The following TMEM135 variants were observed in gnomAD, a reference collection of about 807,000 sequenced individuals.
TMEM135 encodes peroxisomal membrane protein 52.
Under a neutral mutation model 60.3 loss-of-function variants are expected in TMEM135, and 30 were observed. The observed-to-expected ratio is 0.50, with a 90% CI of 0.37 to 0.68. The LOEUF (loss-of-function observed/expected upper bound fraction) is 0.68, where lower values mean the gene tolerates loss of function less well. Among genes scored for constraint, TMEM135 ranks in the 30% least tolerant of loss-of-function variants. The pLI, the probability that TMEM135 is intolerant of heterozygous loss-of-function variation, is 0.00. For synonymous variants in TMEM135, 190 were observed against 186.7 expected (o/e 1.02, Z -0.14); for missense variants, 468 against 548.8 (o/e 0.85, Z 1.47).
intron 3 of TMEM135, among the ~76,000 whole-genome samples, chr11:87,079,794 C>T (rs1478977405): frequency 6.6e-6 from 1 of 150,642 alleles, no homozygotes; most frequent in African/African-American, 2.4e-5. Context: ...GGCTTTTCTG[C>T]ATCTATTGAT....
chr11:87,054,373 G>GCA (rs1949871844), intron 1 of TMEM135, among the ~76,000 whole-genome samples: 1 of 152,172 alleles, frequency 6.6e-6, no homozygotes, highest in Non-Finnish European at 1.5e-5. Context: ...GGCAGAGGTT[G>GCA]CGATGAGCCT....
intron 4 of TMEM135, among the ~76,000 whole-genome samples, chr11:87,116,917 G>T (rs936455538): frequency 6.6e-6 from 1 of 151,750 alleles, no homozygotes; most frequent in Admixed American, 6.6e-5. Flanking sequence ...CCGCCTTTTG[G>T]GTTCAAATGA....
At chr11:87,126,689 T>C (rs1224568369) in intron 4 of TMEM135, among the ~76,000 whole-genome samples, 1 of 152,112 alleles carries the variant, frequency 6.6e-6, no homozygotes, top group Non-Finnish European at 1.5e-5. Context: ...ATGGTTTTCA[T>C]TTTTTGTGTT....
chr11:87,150,240 A>G (rs1454643630), intron 4 of TMEM135, among the ~76,000 whole-genome samples: 4 of 151,730 alleles, frequency 2.6e-5, no homozygotes, highest in Non-Finnish European at 5.9e-5. Flanking sequence ...AAAAAAGAAA[A>G]AAAGTGAAAT....
intron 4 of TMEM135, among the ~76,000 whole-genome samples, chr11:87,118,679 T>TGATCCGCCCATCGTGACCTCCC (rs1857958713): frequency 6.6e-6 from 1 of 152,136 alleles, no homozygotes; most frequent in Non-Finnish European, 1.5e-5. Context: ...CCTGACCTCA[T>TGATCCGCCCATCGTGACCTCCC]GATCCGCCCA....
At chr11:87,134,423 G>A (rs1938031326) in intron 4 of TMEM135, among the ~76,000 whole-genome samples, 1 of 152,162 alleles carries the variant, frequency 6.6e-6, no homozygotes, top group Non-Finnish European at 1.5e-5. Context: ...GGGTTGGGGT[G>A]CACAATAAAG....
intron 5 of TMEM135, among the ~76,000 whole-genome samples, chr11:87,231,104 A>G (rs1338411259): frequency 6.6e-6 from 1 of 152,150 alleles, no homozygotes; most frequent in Non-Finnish European, 1.5e-5. Flanking sequence ...GAGAATTTCC[A>G]GGCATGGATC....
chr11:87,133,529 A>T (rs2135235212), intron 4 of TMEM135, among the ~76,000 whole-genome samples: 1 of 152,328 alleles, frequency 6.6e-6, no homozygotes, highest in South Asian at 2.1e-4. Flanking sequence ...CCCTCTTTAC[A>T]AAACCAGTTT....
chr11:87,295,813 T>C lies in TMEM135; in HGVS notation c.541T>C (p.Ser181Pro). The C allele has an allele frequency of 6.2e-7, 1 of 1,607,874 alleles. No homozygotes were observed. Among genetic ancestry groups the C allele is most frequent in the African/African-American group, 1.3e-5 (1 of 74,946 alleles). Residue 181 changes from serine to proline, a missense_variant, in exon 7 of 15, where the codon TCT becomes CCT. Transcript: ENST00000305494. ...CKDGLKGFTF[S>P]ALRFIVGKEE... ...GGATGGCTTGAAAGGATTTACATTTTCTGCACTTAGGTAAGAAACATTTAT... is the reference window on the plus strand; with the variant it reads ...GGATGGCTTGAAAGGATTTACATTTCCTGCACTTAGGTAAGAAACATTTAT...
chr11:87,224,862 C>T (rs1940733522), intron 5 of TMEM135, among the ~76,000 whole-genome samples: 1 of 150,526 alleles, frequency 6.6e-6, no homozygotes, highest in African/African-American at 2.4e-5. Context: ...GAAAAGCTTA[C>T]TCATGCAGTT....
Position 87,321,271 on chromosome 11 carries a change from A to C in TMEM135, c.1315A>C (p.Ile439Leu). Residue 439 changes from isoleucine (I) to leucine (L), a missense_variant, in exon 15 of 15, where the codon ATC becomes CTC. By Grantham distance (5) the Ile-to-Leu change is conservative. Transcript: ENST00000305494. ...TGCATCTAAACACTTTCAGGATTTC[A>C]TCCCCAGGTTGGATCCAAGATACAC... ...TGASKHFQDFIPRLDPRYTTV... is the reference protein window; with the variant it reads ...TGASKHFQDFLPRLDPRYTTV... 1 of 1,613,774 alleles carries C rather than the reference A, an allele frequency of 6.2e-7. No individual in the cohort carries two copies. The highest frequency in any genetic ancestry group is 8.5e-7 in the Non-Finnish European group (1 of 1,179,724).
Position 87,146,799 on chromosome 11 carries a change from A to G in TMEM135, c.397-10542A>G, listed in dbSNP as rs546907644. On this transcript the variant is annotated intron_variant, in intron 4 of 14. Coordinates refer to ENST00000305494, the MANE Select transcript of TMEM135 (RefSeq NM_022918.4). ...AGGCAGGTTGATATTAACTGTGACC[A>G]TCTTACAGACAAAATCAATGTGTAG... Among the ~76,000 whole-genome samples the G allele has an allele frequency of 2.0e-5, 3 of 152,200 alleles. No homozygotes were observed. The East Asian group carries it at 5.8e-4, about 29-fold the overall frequency.
At chr11:87,246,574 C>G (rs551326048) in intron 6 of TMEM135, among the ~76,000 whole-genome samples, 2 of 152,046 alleles carry the variant, frequency 1.3e-5, no homozygotes, top group African/African-American at 4.8e-5. Flanking sequence ...TTTCTCTAAA[C>G]TTCCCTTCTT....
At position 87,269,331 on chromosome 11, in the gene TMEM135, TTTC is replaced by T. The variant is rs1482784426; in HGVS notation, c.510-26448_510-26446del. Among the ~76,000 whole-genome samples, 49 of 148,046 alleles carry T rather than the reference TTTC, an allele frequency of 3.3e-4. 1 individual carries two copies. Among genetic ancestry groups the T allele is most frequent in the Middle Eastern group, 6.9e-3 (2 of 288 alleles). On this transcript the variant is annotated intron_variant, in intron 6 of 14. Transcript: ENST00000305494. ...GCTTTTTTTTTTGTGCAAGTGTGGA[TTTC>T]TTTTCTTTTTTTTTTAAATTATTAT... is the stretch of plus-strand genomic sequence containing the variant.
intron 4 of TMEM135, among the ~76,000 whole-genome samples, chr11:87,118,029 A>C (rs1028907821): frequency 2.0e-5 from 3 of 152,072 alleles, no homozygotes; most frequent in Admixed American, 6.6e-5. Context: ...TGTACATCCA[A>C]CCTCTTGGGT....
chr11:87,217,079 G>A (rs2135349259), intron 5 of TMEM135, among the ~76,000 whole-genome samples: 1 of 152,268 alleles, frequency 6.6e-6, no homozygotes, highest in South Asian at 2.1e-4. Flanking sequence ...TAAATGAAAG[G>A]TAAATAATTT....
chr11:87,154,222 C>A (rs571550203), intron 4 of TMEM135, among the ~76,000 whole-genome samples: 1 of 152,160 alleles, frequency 6.6e-6, no homozygotes, highest in Non-Finnish European at 1.5e-5. Flanking sequence ...ATAAGTGAAT[C>A]ATTCAGTATT....
At chr11:87,084,631 CT>C (rs1192172802) in intron 3 of TMEM135, among the ~76,000 whole-genome samples, 1 of 152,150 alleles carries the variant, frequency 6.6e-6, no homozygotes, top group African/African-American at 2.4e-5. Flanking sequence ...GATAACACCC[CT>C]GGAGGTGCAC....
intron 1 of TMEM135, among the ~76,000 whole-genome samples, chr11:87,047,213 G>A (rs557396831): frequency 6.6e-6 from 1 of 152,200 alleles, no homozygotes; most frequent in East Asian, 1.9e-4. Context: ...TTGAATCTAT[G>A]TTTTATGTAA....
Sources: gnomAD v4.1 joint callset for allele counts (sites outside exome capture counted in the v4.1 genomes callset) on GRCh38, gnomAD v4.1.1 for gene constraint, MANE v1.5 for transcripts, NCBI Gene and HGNC (gene_info 2026-07-23, HGNC 2026-07-21) for gene names.